Variants in TAFA5 observed in about 807,000 individuals in gnomAD.
TAFA5 encodes the protein chemokine-like protein TAFA-5.
In TAFA5, 6 loss-of-function variants were observed where a neutral mutation model predicts 15.3. The ratio of observed to expected loss-of-function variants is 0.39; its 90% CI spans 0.21 to 0.77. TAFA5 has a LOEUF of 0.77. TAFA5 is among the 30% of genes least tolerant of loss of function. The probability of loss-of-function intolerance (pLI) is 0.41; values close to 1 mark genes in which losing one functional copy is unlikely to be tolerated. For missense variants in TAFA5, 161 were observed against 193.1 expected, an observed-to-expected ratio of 0.83 and a Z score of 0.98; for synonymous variants, 103 against 80.7, an observed-to-expected ratio of 1.28 and a Z score of -1.48.
At chr22:48,710,024 C>T (rs1601689847) in intron 3 of TAFA5, among the ~76,000 whole-genome samples, 1 of 152,244 alleles carries the variant, frequency 6.6e-6, no homozygotes, top group South Asian at 2.1e-4. Context: ...GGCACACTCA[C>T]AGTGCTGTGC....
intron 2 of TAFA5, among the ~76,000 whole-genome samples, chr22:48,662,927 C>T (rs571007116): frequency 1.1e-4 from 17 of 152,306 alleles, no homozygotes; most frequent in Admixed American, 3.9e-4. Context: ...GCAGGGAGCC[C>T]GAGAGGTGAA....
At chr22:48,661,270 C>T (rs1053879370) in intron 2 of TAFA5, among the ~76,000 whole-genome samples, 5 of 152,222 alleles carry the variant, frequency 3.3e-5, no homozygotes, top group Admixed American at 6.5e-5. Context: ...GCCCCACCCT[C>T]GGCCCCGAGC....
At chr22:48,747,041 G>A (rs1930348903) in intron 3 of TAFA5, among the ~76,000 whole-genome samples, 1 of 152,180 alleles carries the variant, frequency 6.6e-6, no homozygotes, top group Non-Finnish European at 1.5e-5. Flanking sequence ...CACAGGCTAG[G>A]AGGGCGGAGG....
At chr22:48,504,163 C>G (rs1399669180) in intron 1 of TAFA5, among the ~76,000 whole-genome samples, 1 of 152,168 alleles carries the variant, frequency 6.6e-6, no homozygotes, top group Non-Finnish European at 1.5e-5. Context: ...TGGAGGCCAT[C>G]CAGGTGACAC....
At chr22:48,558,758 C>T (rs553201180) in intron 1 of TAFA5, among the ~76,000 whole-genome samples, 6 of 152,320 alleles carry the variant, frequency 3.9e-5, no homozygotes, top group African/African-American at 1.4e-4. Flanking sequence ...AGGGGCGTGA[C>T]ACGAGTGTGT....
intron 1 of TAFA5, among the ~76,000 whole-genome samples, chr22:48,551,497 G>A (rs762769515): frequency 5.3e-5 from 8 of 152,286 alleles, no homozygotes; most frequent in Admixed American, 2.0e-4. Context: ...ATGGCGGCTC[G>A]CTGGTTTTCC....
At chr22:48,494,832 G>A (rs1011716198) in intron 1 of TAFA5, among the ~76,000 whole-genome samples, 4 of 152,240 alleles carry the variant, frequency 2.6e-5, no homozygotes, top group African/African-American at 4.8e-5. Flanking sequence ...AGATCTGGGC[G>A]ACTATTCTCG....
chr22:48,690,648 C>T (rs1928510741), intron 2 of TAFA5, among the ~76,000 whole-genome samples: 1 of 152,206 alleles, frequency 6.6e-6, no homozygotes, highest in South Asian at 2.1e-4. Context: ...AGGGAGCCCT[C>T]CTGGCTGCCC....
chr22:48,709,687 C>T (rs1409359295), intron 3 of TAFA5, among the ~76,000 whole-genome samples: 1 of 152,238 alleles, frequency 6.6e-6, no homozygotes, highest in Non-Finnish European at 1.5e-5. Flanking sequence ...GTTCAGGCTG[C>T]ACCCCTTCAG....
intron 3 of TAFA5, among the ~76,000 whole-genome samples, chr22:48,714,528 A>G (rs1929346545): frequency 1.3e-5 from 2 of 152,190 alleles, no homozygotes; most frequent in Non-Finnish European, 2.9e-5. Flanking sequence ...CTGGACTCAC[A>G]GAGGCTCATG....
At chr22:48,551,244 C>A (rs550804570) in intron 1 of TAFA5, among the ~76,000 whole-genome samples, 1 of 152,228 alleles carries the variant, frequency 6.6e-6, no homozygotes, top group East Asian at 1.9e-4. Flanking sequence ...CCTGCAGCAC[C>A]CTGGAAGGCA....
intron 1 of TAFA5, among the ~76,000 whole-genome samples, chr22:48,629,282 C>T (rs1231712746): frequency 6.6e-6 from 1 of 152,184 alleles, no homozygotes; most frequent in Non-Finnish European, 1.5e-5. Context: ...CGCCCTCTCC[C>T]AGGCCTCCCA....
intron 1 of TAFA5, among the ~76,000 whole-genome samples, chr22:48,514,476 A>G (rs142731443): frequency 1.7e-4 from 26 of 152,336 alleles, no homozygotes; most frequent in African/African-American, 4.8e-4. Flanking sequence ...CTGACAGCCA[A>G]CATGGGGTTA....
intron 1 of TAFA5, among the ~76,000 whole-genome samples, chr22:48,569,612 G>A (rs938785910): frequency 6.6e-6 from 1 of 152,198 alleles, no homozygotes; most frequent in African/African-American, 2.4e-5. Flanking sequence ...GCCCGTGGAA[G>A]CCACTGTGCG....
At chr22:48,492,677 G>T (rs999677853) in intron 1 of TAFA5, among the ~76,000 whole-genome samples, 9 of 152,184 alleles carry the variant, frequency 5.9e-5, no homozygotes, top group Non-Finnish European at 1.2e-4. Flanking sequence ...GGGGAAAGGG[G>T]CCCTGGATGG....
chr22:48,584,469 A>G (rs984421451), intron 1 of TAFA5, among the ~76,000 whole-genome samples: 6 of 148,166 alleles, frequency 4.0e-5, no homozygotes, highest in African/African-American at 1.0e-4. Context: ...CACACACAAA[A>G]TATACTACAC....
intron 2 of TAFA5, among the ~76,000 whole-genome samples, chr22:48,706,348 C>T (rs1208350420): frequency 6.6e-6 from 1 of 152,222 alleles, no homozygotes; most frequent in African/African-American, 2.4e-5. Context: ...AGTGAGGACC[C>T]CGAGGAACTG....
intron 2 of TAFA5, among the ~76,000 whole-genome samples, chr22:48,682,770 C>T (rs1009372769): frequency 2.6e-5 from 4 of 152,116 alleles, no homozygotes; most frequent in South Asian, 2.1e-4. Flanking sequence ...CTTTGCTTTG[C>T]GGGTGATCTG....
chr22:48,734,175 G>A (rs1245444970), intron 3 of TAFA5, among the ~76,000 whole-genome samples: 1 of 152,176 alleles, frequency 6.6e-6, no homozygotes, highest in Admixed American at 6.5e-5. Flanking sequence ...AAAACAGAAA[G>A]TAACTTGAAA....
Sources: allele counts gnomAD v4.1 joint callset (sites outside exome capture counted in the v4.1 genomes callset), GRCh38; gene constraint gnomAD v4.1.1; transcripts MANE v1.5; gene names NCBI Gene and HGNC (gene_info 2026-07-23, HGNC 2026-07-21).